Variants in CAMKMT observed in about 807,000 individuals in gnomAD.
The protein encoded by CAMKMT is calmodulin-lysine N-methyltransferase, also known as CaM KMT.
CAMKMT carries 53 observed loss-of-function variants against 48.0 expected under a neutral mutation model. The ratio of observed to expected loss-of-function variants is 1.10; its 90% CI spans 0.89 to 1.39. The LOEUF (loss-of-function observed/expected upper bound fraction) is 1.39. CAMKMT is among the 40% of genes most tolerant of loss of function. The pLI is 0.00. For synonymous variants in CAMKMT, 165 were observed against 152.3 expected (o/e 1.08, Z -0.61); for missense variants, 428 against 402.7 (o/e 1.06, Z -0.54).
intron 3 of CAMKMT, among the ~76,000 whole-genome samples, chr2:44,488,877 G>GTT (rs70937917): frequency 0.19 from 28,247 of 149,472 alleles, 3,539 homozygotes; most frequent in Non-Finnish European, 0.29. Context: ...GTGTGTGTGT[G>GTT]TTTTAAGAAA....
At position 44,772,137 on chromosome 2, in the gene CAMKMT, A is replaced by C; in HGVS notation, c.*24A>C. On this transcript the variant is annotated 3_prime_UTR_variant, in exon 11 of 11. Transcript: ENST00000378494. ...AGAAGATTAAGCTTCTCAAAGACGA[A>C]GAAACGTATCAAGTGCATAGGGAAT... 1 of 1,588,222 alleles carries C rather than the reference A, an allele frequency of 6.3e-7. No homozygotes were observed. Among genetic ancestry groups the C allele is most frequent in the African/African-American group, 1.3e-5 (1 of 74,162 alleles).
intron 3 of CAMKMT, among the ~76,000 whole-genome samples, chr2:44,539,770 C>T (rs893208382): frequency 3.3e-5 from 5 of 151,994 alleles, no homozygotes; most frequent in Admixed American, 2.6e-4. Flanking sequence ...TGACCATATG[C>T]GGGTTAGGCA....
intron 3 of CAMKMT, among the ~76,000 whole-genome samples, chr2:44,600,706 T>G: frequency 6.6e-6 from 1 of 152,166 alleles, no homozygotes; most frequent in South Asian, 2.1e-4. Context: ...GCACACAAAC[T>G]GTTCCTAGGT....
At chr2:44,507,495 T>C (rs955940984) in intron 3 of CAMKMT, among the ~76,000 whole-genome samples, 5 of 152,170 alleles carry the variant, frequency 3.3e-5, no homozygotes, top group Admixed American at 6.6e-5. Context: ...TACTGTACCA[T>C]GTAGTATGCC....
chr2:44,438,137 A>G (rs1344723249), intron 3 of CAMKMT, among the ~76,000 whole-genome samples: 1 of 152,194 alleles, frequency 6.6e-6, no homozygotes, highest in Non-Finnish European at 1.5e-5. Flanking sequence ...TCTTAACTAG[A>G]TCAAGGTCAC....
intron 3 of CAMKMT, among the ~76,000 whole-genome samples, chr2:44,527,272 T>TTATATATATTA (rs2104815697): frequency 6.9e-6 from 1 of 143,972 alleles, no homozygotes; most frequent in East Asian, 2.0e-4. Flanking sequence ...TATATATATG[T>TTATATATATTA]TATATATATT....
intron 3 of CAMKMT, among the ~76,000 whole-genome samples, chr2:44,544,544 T>A (rs540117992): frequency 3.3e-5 from 5 of 152,346 alleles, no homozygotes; most frequent in African/African-American, 1.2e-4. Context: ...TTTGGGGAGA[T>A]GTCATTGTTT....
At chr2:44,378,547 G>A (rs576219169) in intron 2 of CAMKMT, among the ~76,000 whole-genome samples, 2 of 152,310 alleles carry the variant, frequency 1.3e-5, no homozygotes, top group Non-Finnish European at 2.9e-5. Flanking sequence ...AGGCTGGAGT[G>A]CAGTGGTGCA....
chr2:44,587,715 A>G (rs1669950191), intron 3 of CAMKMT, among the ~76,000 whole-genome samples: 1 of 130,520 alleles, frequency 7.7e-6, no homozygotes, highest in African/African-American at 2.9e-5. Context: ...CCTGACCGCG[A>G]GTGATCCGCC....
intron 3 of CAMKMT, among the ~76,000 whole-genome samples, chr2:44,390,601 G>A (rs996731040): frequency 6.6e-6 from 1 of 151,966 alleles, no homozygotes; most frequent in African/African-American, 2.4e-5. Flanking sequence ...GGACACTGAA[G>A]TACTGTCCCT....
intron 3 of CAMKMT, among the ~76,000 whole-genome samples, chr2:44,461,072 T>TCTCAGATTCTA (rs1485228926): frequency 6.6e-6 from 1 of 152,188 alleles, no homozygotes; most frequent in African/African-American, 2.4e-5. Flanking sequence ...GAGATTCTAC[T>TCTCAGATTCTA]CTGACCAAGT....
At chr2:44,398,405 GA>G (rs1305233695) in intron 3 of CAMKMT, among the ~76,000 whole-genome samples, 3 of 152,144 alleles carry the variant, frequency 2.0e-5, no homozygotes, top group Admixed American at 6.5e-5. Flanking sequence ...TAAAGGTCAA[GA>G]AAAATGGGCT....
intron 4 of CAMKMT, among the ~76,000 whole-genome samples, chr2:44,704,956 T>A (rs981707668): frequency 1.3e-5 from 2 of 152,090 alleles, no homozygotes; most frequent in Admixed American, 1.3e-4. Context: ...AAAAAAACTT[T>A]ATTTGAAAAT....
chr2:44,429,263 GTGTGTGTGTGTGTA>G (rs1012505091), intron 3 of CAMKMT, among the ~76,000 whole-genome samples: 2 of 112,182 alleles, frequency 1.8e-5, no homozygotes, highest in East Asian at 2.7e-4. Context: ...ATATATATGT[GTGTGTGTGTGTGTA>G]TGTGTGTGTG....
chr2:44,364,005 C>G (rs1401548488), intron 1 of CAMKMT, among the ~76,000 whole-genome samples: 1 of 139,798 alleles, frequency 7.2e-6, no homozygotes, highest in Non-Finnish European at 1.5e-5. Flanking sequence ...ACCGCCCCCA[C>G]CCTTCCTTTT....
chr2:44,673,508 AGGAAGGAAGGAAGGAG>A (rs149373330), intron 3 of CAMKMT, among the ~76,000 whole-genome samples: 15,711 of 144,078 alleles, frequency 0.11, 1,054 homozygotes, highest in Admixed American at 0.19. Flanking sequence ...GAAGGAAGGA[AGGAAGGAAGGAAGGAG>A]GGAAGGAAGA....
chr2:44,390,516 GGT>G (rs199918415), intron 3 of CAMKMT, among the ~76,000 whole-genome samples: 56 of 150,956 alleles, frequency 3.7e-4, no homozygotes, highest in East Asian at 2.1e-3. Context: ...AAACTTCGCA[GGT>G]GTGTGTGTGT....
rs987176329 is a variant in CAMKMT, at chr2:44,503,909, A to G, written c.376+113604A>G. ...GGCTGTCTTATCCTTATGTTCTTAC[A>G]TGGCTTTTCCTTGATGAATTTACTT... On this transcript the variant is annotated intron_variant, in intron 3 of 10. Transcript: ENST00000378494. 4.6e-5 allele frequency among the ~76,000 whole-genome samples: 7 copies of G among 151,202 alleles called. No homozygotes were observed. In the East Asian group the frequency reaches 9.9e-4, roughly 21 times the overall value.
At chr2:44,698,820 A>C (rs1677106217) in intron 3 of CAMKMT, among the ~76,000 whole-genome samples, 1 of 152,184 alleles carries the variant, frequency 6.6e-6, no homozygotes, top group East Asian at 1.9e-4. Context: ...CCACAGTAGA[A>C]CTTCTTTCGA....
Sources: gnomAD v4.1 joint callset for allele counts (sites outside exome capture counted in the v4.1 genomes callset) on GRCh38, gnomAD v4.1.1 for gene constraint, MANE v1.5 for transcripts, NCBI Gene and HGNC (gene_info 2026-07-23, HGNC 2026-07-21) for gene names.